DOCK9: variants seen among roughly 807,000 people sequenced by gnomAD.
The protein encoded by DOCK9 is dedicator of cytokinesis protein 9.
Under a neutral mutation model 263.3 loss-of-function variants are expected in DOCK9, and 89 were observed. The ratio of observed to expected loss-of-function variants is 0.34; its 90% confidence interval spans 0.28 to 0.40. DOCK9 has a LOEUF of 0.40. Among genes scored for constraint, DOCK9 ranks in the 10% least tolerant of loss-of-function variants. DOCK9 has a pLI of 1.00. For missense variants in DOCK9, 2,140 were observed against 2,603.4 expected (o/e 0.82, Z 3.87); for synonymous variants, 976 against 973.1 (o/e 1.00, Z -0.06).
chr13:98,964,115 C>T (rs753387734), intron 1 of DOCK9, among the ~76,000 whole-genome samples: 2 of 152,202 alleles, frequency 1.3e-5, no homozygotes, highest in East Asian at 1.9e-4. Flanking sequence ...AAAAAGAACA[C>T]GGCCCTGCCC....
At chr13:98,855,567 GTC>G (rs1029786881) in intron 34 of DOCK9, among the ~76,000 whole-genome samples, 2 of 152,004 alleles carry the variant, frequency 1.3e-5, no homozygotes, top group Non-Finnish European at 2.9e-5. Flanking sequence ...GCGAGACTCT[GTC>G]TCAAAAAATA....
chr13:98,988,958 G>C (rs1482064363), intron 1 of DOCK9, among the ~76,000 whole-genome samples: 1 of 152,074 alleles, frequency 6.6e-6, no homozygotes, highest in Non-Finnish European at 1.5e-5. Context: ...ACTGGCCCGG[G>C]GCCACCCTTC....
intron 1 of DOCK9, among the ~76,000 whole-genome samples, chr13:98,993,440 G>T (rs1365023060): frequency 6.6e-6 from 1 of 152,244 alleles, no homozygotes; most frequent in African/African-American, 2.4e-5. Flanking sequence ...CTAGGAAGAT[G>T]TGTATAATTT....
At chr13:98,972,140 A>G (rs1469926297) in intron 1 of DOCK9, among the ~76,000 whole-genome samples, 2 of 152,246 alleles carry the variant, frequency 1.3e-5, no homozygotes. Context: ...GAGCAAGAGG[A>G]AACTGTGCTC....
At chr13:98,993,025 G>A (rs183887498) in intron 1 of DOCK9, among the ~76,000 whole-genome samples, 9 of 152,282 alleles carry the variant, frequency 5.9e-5, no homozygotes, top group Non-Finnish European at 1.2e-4. Context: ...CCCCCAGCAT[G>A]GCAAAGCAGG....
At chr13:99,030,328 T>C (rs1004337457) in intron 1 of DOCK9, among the ~76,000 whole-genome samples, 1 of 152,318 alleles carries the variant, frequency 6.6e-6, no homozygotes, top group East Asian at 1.9e-4. Flanking sequence ...GAAACCACAA[T>C]GCACTGACAT....
At chr13:99,057,452 G>A (rs1480375814) in intron 1 of DOCK9, among the ~76,000 whole-genome samples, 1 of 152,184 alleles carries the variant, frequency 6.6e-6, no homozygotes, top group African/African-American at 2.4e-5. Context: ...TGGGTGAGCT[G>A]AGGACCAGAT....
intron 1 of DOCK9, among the ~76,000 whole-genome samples, chr13:98,956,808 T>C (rs2058108849): frequency 6.6e-6 from 1 of 152,216 alleles, no homozygotes; most frequent in African/African-American, 2.4e-5. Context: ...AAGATTATTT[T>C]TGAAACTATA....
intron 30 of DOCK9, among the ~76,000 whole-genome samples, chr13:98,865,808 A>T (rs2094004027): frequency 6.6e-6 from 1 of 152,106 alleles, no homozygotes; most frequent in South Asian, 2.1e-4. Flanking sequence ...GAAGTGGAAG[A>T]GAGTGAGGAG....
chr13:98,840,625 C>A (rs1375879002), intron 38 of DOCK9, among the ~76,000 whole-genome samples: 1 of 152,164 alleles, frequency 6.6e-6, no homozygotes, highest in African/African-American at 2.4e-5. Context: ...CATCGGCGAA[C>A]CTCCTCCCTC....
intron 45 of DOCK9, among the ~76,000 whole-genome samples, chr13:98,813,023 T>A (rs1169012011): frequency 1.3e-5 from 2 of 152,214 alleles, no homozygotes; most frequent in South Asian, 2.1e-4. Context: ...TTCTAAAAAT[T>A]ACATTAAGTA....
Position 98,826,859 on chromosome 13 carries a change from G to A in DOCK9, c.4994C>T (p.Ala1665Val), listed in dbSNP as rs750742345. Reference protein sequence around the residue: ...EAAMCYVHVTALVAEYLTRKG... With the variant: ...EAAMCYVHVTVLVAEYLTRKG... The stretch of plus-strand genomic sequence containing the variant: ...CCGTGTGAGATATTCTGCCACTAGG[G>A]CTGTTACGTGGACATAGCACATTGC... Residue 1665 changes from alanine to valine, a missense_variant, in exon 44 of 53, where the codon GCC (alanine) becomes GTC (valine). Physicochemically the swap from Ala to Val is moderately conservative, Grantham distance 64 (BLOSUM62 0). This residue lies in a region of DOCK9 where 619 missense variants were observed against 861.8 expected (regional missense o/e 0.72). Transcript: ENST00000682017. 3 of 1,610,702 alleles carry A rather than the reference G, an allele frequency of 1.9e-6. No homozygotes were observed. Among genetic ancestry groups the A allele is most frequent in the Non-Finnish European group, 2.5e-6 (3 of 1,178,528 alleles).
At chr13:99,020,147 T>A (rs1885907808) in intron 1 of DOCK9, among the ~76,000 whole-genome samples, 1 of 152,184 alleles carries the variant, frequency 6.6e-6, no homozygotes, top group African/African-American at 2.4e-5. Context: ...GAATGGCACC[T>A]ACTCTGCCCA....
rs369137555 is a variant in DOCK9, at chr13:98,824,394, G to A, written c.5130+4C>T. ...TGAAAGCCCACATGAGTTCAAGCAC[G>A]CACCTCGTTGAAATGGACATCCTGC... On this transcript the variant is annotated splice_donor_region_variant and intron_variant, in intron 45 of 52. Coordinates refer to ENST00000682017, the MANE Select transcript of DOCK9 (RefSeq NM_001366683.2). 1.0e-4 allele frequency: 166 copies of A among 1,613,204 alleles called. No individual in the cohort carries two copies. Among genetic ancestry groups the A allele is most frequent in the African/African-American group, 1.0e-3 (76 of 75,016 alleles).
At chr13:99,070,626 G>C (rs143804290) in intron 1 of DOCK9, among the ~76,000 whole-genome samples, 1 of 152,180 alleles carries the variant, frequency 6.6e-6, no homozygotes. Flanking sequence ...GCAATTGCTC[G>C]CTTAAGTACA....
chr13:98,922,458 G>A (rs1432536266), intron 5 of DOCK9, among the ~76,000 whole-genome samples: 9 of 152,168 alleles, frequency 5.9e-5, no homozygotes, highest in African/African-American at 1.4e-4. Flanking sequence ...GACCACTCAC[G>A]TTGGAAGGTC....
In DOCK9 at chr13:98,845,277, C is replaced by T. The variant is rs2296988; in HGVS notation, c.4198+647G>A. 1.3e-4 allele frequency: 166 copies of T among 1,296,332 alleles called. No homozygotes were observed. The East Asian group carries it at 7.1e-3, about 56-fold the overall frequency. 80.3% of individuals were successfully genotyped at this position (1,296,332 alleles called of 1,614,324 possible). ...GCAAGATGAACAAAAAGGGTCTTGG[C>T]TTGCAAGTGAAGCAACCTCATAAAG... On this transcript the variant is annotated intron_variant, in intron 38 of 52. Transcript: ENST00000682017.
chr13:98,942,081 G>A (rs1376539606), intron 2 of DOCK9, among the ~76,000 whole-genome samples: 8 of 152,122 alleles, frequency 5.3e-5, no homozygotes, highest in Non-Finnish European at 7.4e-5. Context: ...TAAATCTTGG[G>A]TCCTGTCACT....
chr13:98,953,128 G>T (rs1567075370), intron 2 of DOCK9, among the ~76,000 whole-genome samples: 2 of 152,240 alleles, frequency 1.3e-5, no homozygotes, highest in East Asian at 3.9e-4. Flanking sequence ...CAGAGTACAT[G>T]GCTTTACCTG....
Sources: allele counts gnomAD v4.1 joint callset (sites outside exome capture counted in the v4.1 genomes callset), GRCh38; gene constraint gnomAD v4.1.1; regional missense constraint gnomAD v4.1.1; transcripts MANE v1.5; gene names NCBI Gene and HGNC (gene_info 2026-07-23, HGNC 2026-07-21).